The following CASZ1 variants were observed in gnomAD, a reference collection of about 807,000 sequenced individuals.
The protein encoded by CASZ1 is zinc finger protein castor homolog 1.
In CASZ1, 28 loss-of-function variants were observed where a neutral mutation model predicts 135.2. The ratio of observed to expected loss-of-function variants is 0.21; its 90% CI spans 0.15 to 0.28. The LOEUF is 0.28. CASZ1 is among the 10% of genes least tolerant of loss of function. The pLI is 1.00. For synonymous variants in CASZ1, 1,068 were observed against 1,073.4 expected (o/e 0.99, Z 0.10); for missense variants, 2,161 against 2,453.3 (o/e 0.88, Z 2.52).
chr1:10,655,458 C>G (rs1642755386), intron 9 of CASZ1, among the ~76,000 whole-genome samples, 191 bp downstream of exon 9: 3 of 152,266 alleles, frequency 2.0e-5, no homozygotes, highest in Admixed American at 2.0e-4. Context: ...CCAGACGCTG[C>G]CCAAGCCTGA....
chr1:10,649,479 G>A (rs1326792255), intron 13 of CASZ1, 42 bp from the exon 14 acceptor site: 1 of 1,564,968 alleles, frequency 6.4e-7, no homozygotes, highest in South Asian at 1.2e-5. Flanking sequence ...GGGTAGCTTA[G>A]AACACAGACA....
At chr1:10,658,059 C>T (rs1231871815) in intron 7 of CASZ1, 5 of 160,610 alleles carry the variant, frequency 3.1e-5, no homozygotes, top group African/African-American at 1.2e-4. Flanking sequence ...TCTCAAACTC[C>T]TGGCCTCAAG....
In CASZ1 at chr1:10,647,830, G is replaced by C. The variant is rs1266130536; in HGVS notation, c.3468C>G (p.Val1156=). The change falls in exon 16 of 21, where the codon GTC becomes GTG. Residue 1156 remains valine, a synonymous_variant. Transcript: ENST00000377022. This position sits in a 1 kb window ranked among gnomAD's most constrained non-coding sequence, Gnocchi z 4.9. ...TTSLENAKPQ[V]KPGFLQFQEN... Reference sequence around the variant, plus strand: ...CCTGGAACTGGAGGAATCCGGGTTTGACCTGGGGCTTGGCGTTCTCTAGAG... The same window carrying C: ...CCTGGAACTGGAGGAATCCGGGTTTCACCTGGGGCTTGGCGTTCTCTAGAG... 6.2e-7 allele frequency: 1 copy of C among 1,613,776 alleles called. No homozygotes were observed. Among genetic ancestry groups the C allele is most frequent in the Non-Finnish European group, 8.5e-7 (1 of 1,180,040 alleles).
At chr1:10,782,431 T>C (rs1286016941) in intron 1 of CASZ1, among the ~76,000 whole-genome samples, 2 of 152,178 alleles carry the variant, frequency 1.3e-5, no homozygotes, top group Non-Finnish European at 2.9e-5. Flanking sequence ...ACTCTTTCTT[T>C]TAAAATTAAA....
At chr1:10,753,788 AT>A (rs932768681) in intron 2 of CASZ1, among the ~76,000 whole-genome samples, 19 of 152,162 alleles carry the variant, frequency 1.2e-4, no homozygotes, top group African/African-American at 4.3e-4. Flanking sequence ...CCGGGCACAT[AT>A]GCGACCTGTG....
chr1:10,721,971 C>T lies in CASZ1; in HGVS notation c.-76-16427G>A, dbSNP rs902686701. ...CCTGCTGTATCTTTTACCTTGAGCACCTGTTGACAGAGGCCACCTAGGGAA... is the reference window on the plus strand; with the variant it reads ...CCTGCTGTATCTTTTACCTTGAGCATCTGTTGACAGAGGCCACCTAGGGAA... On this transcript the variant is annotated intron_variant, in intron 2 of 20. Coordinates refer to ENST00000377022, the MANE Select transcript of CASZ1 (RefSeq NM_001079843.3). The surrounding 1 kb of genome is among the most constrained non-coding windows in gnomAD (Gnocchi z 5.4). Among the ~76,000 whole-genome samples the T allele has an allele frequency of 1.6e-4, 24 of 152,240 alleles. No homozygotes were observed. The highest frequency in any genetic ancestry group is 3.5e-4 in the Non-Finnish European group (24 of 68,042).
intron 4 of CASZ1, among the ~76,000 whole-genome samples, chr1:10,683,381 G>A (rs931235607): frequency 6.6e-6 from 1 of 152,046 alleles, no homozygotes; most frequent in African/African-American, 2.4e-5. Context: ...ACCCCACCTG[G>A]GACAGCTGCC....
Position 10,676,848 on chromosome 1 carries a change from G to A in CASZ1, c.17-11277C>T, listed in dbSNP as rs1034595473. On this transcript the variant is annotated intron_variant, in intron 4 of 20. Coordinates refer to ENST00000377022, the MANE Select transcript of CASZ1 (RefSeq NM_001079843.3). The surrounding 1 kb of genome is among the most constrained non-coding windows in gnomAD (Gnocchi z 4.5). ...ACTCTCTCTAACATCCTGTCTCCCG[G>A]GATCTAGGTCCTGGCAGCTGGCGGG... Among the ~76,000 whole-genome samples, 1 of 152,232 alleles carries A rather than the reference G, an allele frequency of 6.6e-6. No individual in the cohort carries two copies. Among genetic ancestry groups the A allele is most frequent in the African/African-American group, 2.4e-5 (1 of 41,470 alleles).
intron 20 of CASZ1, chr1:10,642,345 GAAA>G (rs35189514): frequency 2.4e-5 from 2 of 81,878 alleles, no homozygotes; most frequent in Non-Finnish European, 2.8e-5. Flanking sequence ...GAGAAAAGCA[GAAA>G]AAAAAAAAAA....
rs1046544938 is a variant in CASZ1 at position 10,739,383 on chromosome 1, T to A, written c.-77+21318A>T. ...GGGCCCGGGCCCAGGGTGGCCACGG[T>A]GAGGAGGAGGAGGACCACATGCGCA... is the stretch of plus-strand genomic sequence containing the variant. On this transcript the variant is annotated intron_variant, in intron 2 of 20. Coordinates refer to ENST00000377022, the MANE Select transcript of CASZ1 (RefSeq NM_001079843.3). This position sits in a 1 kb window ranked among gnomAD's most constrained non-coding sequence, Gnocchi z 4.8. Among the ~76,000 whole-genome samples the A allele has an allele frequency of 7.9e-5, 12 of 151,576 alleles. No individual in the cohort carries two copies. Among genetic ancestry groups the A allele is most frequent in the African/African-American group, 1.5e-4 (6 of 41,286 alleles).
intron 18 of CASZ1, among the ~76,000 whole-genome samples, chr1:10,643,807 A>G (rs1487233548): frequency 1.3e-5 from 2 of 152,180 alleles, no homozygotes; most frequent in Non-Finnish European, 2.9e-5. Flanking sequence ...GTCCGCTGCC[A>G]TGGCGCCCAG....
chr1:10,691,532 G>A (rs893578304), intron 4 of CASZ1, among the ~76,000 whole-genome samples: 14 of 152,228 alleles, frequency 9.2e-5, no homozygotes, highest in African/African-American at 2.2e-4. Flanking sequence ...CGAGGCCTGC[G>A]CCCCTGGCCT....
At chr1:10,740,960 C>CAAAAAAAAAAAAAAA (rs374464130) in intron 2 of CASZ1, among the ~76,000 whole-genome samples, 1 of 61,482 alleles carries the variant, frequency 1.6e-5, no homozygotes, top group Non-Finnish European at 2.9e-5. Flanking sequence ...CCTGTCTGGA[C>CAAAAAAAAAAAAAAA]AAAAAAAAAA....
In CASZ1 at chr1:10,773,452, A is replaced by T. The variant is rs150517004; in HGVS notation, c.-233-12595T>A. On this transcript the variant is annotated intron_variant, in intron 1 of 20. Coordinates refer to ENST00000377022, the MANE Select transcript of CASZ1 (RefSeq NM_001079843.3). Reference sequence around the variant, plus strand: ...GGAGGGATTGGATGGGTGGCAGCCAAGCCAGACAGTCAGCGAGACAGCTGA... The same window carrying T: ...GGAGGGATTGGATGGGTGGCAGCCATGCCAGACAGTCAGCGAGACAGCTGA... Among the ~76,000 whole-genome samples the T allele has an allele frequency of 1.3e-3, 198 of 152,076 alleles. 5 individuals carry two copies. The East Asian group carries it at 0.035, about 27-fold the overall frequency.
chr1:10,687,171 C>T (rs1403360851), intron 4 of CASZ1, among the ~76,000 whole-genome samples: 1 of 152,192 alleles, frequency 6.6e-6, no homozygotes, highest in Non-Finnish European at 1.5e-5. Flanking sequence ...CATTCTCACA[C>T]AGCGCAGTCC....
chr1:10,783,026 G>A (rs913081951), intron 1 of CASZ1, among the ~76,000 whole-genome samples: 1 of 152,098 alleles, frequency 6.6e-6, no homozygotes, highest in African/African-American at 2.4e-5. Flanking sequence ...GCCTTTTCAC[G>A]GGGAAAGGAG....
chr1:10,681,279 T>C (rs1570467485), intron 4 of CASZ1, among the ~76,000 whole-genome samples: 2 of 151,208 alleles, frequency 1.3e-5, no homozygotes, highest in South Asian at 4.2e-4. Flanking sequence ...CTGGCCCAGG[T>C]GGGTCGGGAT....
intron 11 of CASZ1, chr1:10,652,029 T>G (rs1444510006): frequency 6.6e-6 from 1 of 152,212 alleles, no homozygotes; most frequent in Non-Finnish European, 1.5e-5. Flanking sequence ...AGGCGGTCCC[T>G]CCACGCGGCC....
Position 10,777,720 on chromosome 1 carries a change from A to G in CASZ1, c.-233-16863T>C, listed in dbSNP as rs931286474. 6.6e-6 allele frequency among the ~76,000 whole-genome samples: 1 copy of G among 151,728 alleles called. No individual in the cohort carries two copies. The highest frequency in any genetic ancestry group is 2.4e-5 in the African/African-American group (1 of 41,248). On this transcript the variant is annotated intron_variant, in intron 1 of 20. Coordinates refer to ENST00000377022, the MANE Select transcript of CASZ1 (RefSeq NM_001079843.3). The surrounding 1 kb of genome is among the most constrained non-coding windows in gnomAD (Gnocchi z 4.4). The stretch of plus-strand genomic sequence containing the variant: ...CACCATCTCATACAAAATCACACAC[A>G]AAACCACATACCACGTTACAATCAC...
Sources: gnomAD v4.1 joint callset for allele counts (sites outside exome capture counted in the v4.1 genomes callset) on GRCh38, gnomAD v4.1.1 for gene constraint, Gnocchi (gnomAD v3.1) non-coding constraint, MANE v1.5 for transcripts, NCBI Gene and HGNC (gene_info 2026-07-23, HGNC 2026-07-21) for gene names.